MPPED1: variants seen among roughly 807,000 people sequenced by gnomAD.
MPPED1 encodes the protein metallophosphoesterase domain-containing protein 1.
A neutral mutation model predicts 36.2 loss-of-function variants in MPPED1; 16 were observed. The observed-to-expected ratio is 0.44, with a 90% CI of 0.30 to 0.67. The LOEUF is 0.67. Among genes scored for constraint, MPPED1 ranks in the 30% least tolerant of loss-of-function variants. MPPED1 has a pLI of 0.10. For missense variants in MPPED1, 307 were observed against 453.4 expected (o/e 0.68, Z 2.93); for synonymous variants, 199 against 191.3 (o/e 1.04, Z -0.33).
chr22:43,424,796 T>C, intron 1 of MPPED1, 112 bp from the exon 2 acceptor site: 1 of 1,345,294 alleles, frequency 7.4e-7, no homozygotes, highest in Non-Finnish European at 9.8e-7. Flanking sequence ...TACGACTGTG[T>C]TTTTTTTTCC....
intron 3 of MPPED1, among the ~76,000 whole-genome samples, chr22:43,458,767 A>G (rs1930842860): frequency 2.6e-5 from 4 of 152,126 alleles, no homozygotes. Context: ...GGAATGACTT[A>G]ATTTCTCTAT....
chr22:43,423,808 G>C (rs1204029843), intron 1 of MPPED1, among the ~76,000 whole-genome samples: 1 of 152,220 alleles, frequency 6.6e-6, no homozygotes, highest in Non-Finnish European at 1.5e-5. Flanking sequence ...TTTCTCCTTG[G>C]TTAAATACAG....
At chr22:43,494,744 A>T (rs1441463206) in intron 4 of MPPED1, among the ~76,000 whole-genome samples, 1 of 94,770 alleles carries the variant, frequency 1.1e-5, no homozygotes, top group Non-Finnish European at 2.2e-5. Context: ...GTCTTAGACC[A>T]TTCGGGCTGC....
At chr22:43,413,695 G>T (rs1440432953) in intron 1 of MPPED1, among the ~76,000 whole-genome samples, 1 of 152,256 alleles carries the variant, frequency 6.6e-6, no homozygotes, top group Admixed American at 6.5e-5. Context: ...TTGGCTTTCT[G>T]AGTGGCAGCC....
chr22:43,500,070 A>G (rs1379549115), intron 5 of MPPED1, among the ~76,000 whole-genome samples: 2 of 59,230 alleles, frequency 3.4e-5, no homozygotes, highest in Non-Finnish European at 6.6e-5. Context: ...GGTGATGGTG[A>G]TGGAGGTGGT....
chr22:43,500,487 C>A (rs890378847), intron 5 of MPPED1, among the ~76,000 whole-genome samples: 5 of 150,428 alleles, frequency 3.3e-5, no homozygotes, highest in African/African-American at 1.2e-4. Context: ...GGTCTTGCCC[C>A]TTCCAGTCCA....
At chr22:43,442,101 C>A (rs900099633) in intron 3 of MPPED1, among the ~76,000 whole-genome samples, 1 of 151,842 alleles carries the variant, frequency 6.6e-6, no homozygotes, top group African/African-American at 2.4e-5. Flanking sequence ...GGTTGACCCC[C>A]CTCCACGCCC....
chr22:43,462,699 T>C (rs1271036443), intron 3 of MPPED1, among the ~76,000 whole-genome samples: 1 of 152,248 alleles, frequency 6.6e-6, no homozygotes, highest in African/African-American at 2.4e-5. Context: ...TGAGATGTGC[T>C]AGGTCATCTG....
At chr22:43,432,528 G>C (rs952905172) in intron 2 of MPPED1, among the ~76,000 whole-genome samples, 1 of 110,888 alleles carries the variant, frequency 9.0e-6, no homozygotes, top group Non-Finnish European at 1.9e-5. Flanking sequence ...GGAGGAGAGA[G>C]ATAAAGGGAG....
At chr22:43,443,262 G>A (rs1292001127) in intron 3 of MPPED1, among the ~76,000 whole-genome samples, 1 of 152,232 alleles carries the variant, frequency 6.6e-6, no homozygotes, top group Admixed American at 6.5e-5. Context: ...CCGCTGACCA[G>A]CTGGGACGAG....
At chr22:43,491,256 T>C (rs1932073106) in intron 4 of MPPED1, among the ~76,000 whole-genome samples, 1 of 152,132 alleles carries the variant, frequency 6.6e-6, no homozygotes, top group Non-Finnish European at 1.5e-5. Flanking sequence ...ATGATGGTAG[T>C]GGTGATATAG....
chr22:43,499,367 T>C (rs1164618447), intron 5 of MPPED1, among the ~76,000 whole-genome samples: 1 of 110,816 alleles, frequency 9.0e-6, no homozygotes, highest in South Asian at 3.3e-4. Context: ...ATGGAGGTGG[T>C]GGTGATGGTG....
At chr22:43,433,862 C>T (rs561558043) in intron 2 of MPPED1, among the ~76,000 whole-genome samples, 1 of 152,330 alleles carries the variant, frequency 6.6e-6, no homozygotes, top group African/African-American at 2.4e-5. Context: ...AAACACAACT[C>T]CTCGAGCAGC....
At chr22:43,469,180 C>T (rs1414548530) in intron 3 of MPPED1, among the ~76,000 whole-genome samples, 1 of 152,138 alleles carries the variant, frequency 6.6e-6, no homozygotes, top group Non-Finnish European at 1.5e-5. Flanking sequence ...CCCATCAGGG[C>T]AATGGGGAAG....
intron 3 of MPPED1, among the ~76,000 whole-genome samples, chr22:43,465,580 C>T (rs952936098): frequency 2.0e-5 from 3 of 152,158 alleles, no homozygotes; most frequent in Admixed American, 6.5e-5. Flanking sequence ...CAAATCAACC[C>T]GCGGTTGGTT....
At chr22:43,447,547 C>T (rs1211849642) in intron 3 of MPPED1, among the ~76,000 whole-genome samples, 1 of 151,874 alleles carries the variant, frequency 6.6e-6, no homozygotes, top group Non-Finnish European at 1.5e-5. Context: ...GTCAGAAGCC[C>T]GGGGACTAGT....
chr22:43,501,128 G>A (rs1006242771), intron 5 of MPPED1, among the ~76,000 whole-genome samples: 1 of 152,150 alleles, frequency 6.6e-6, no homozygotes, highest in African/African-American at 2.4e-5. Context: ...AGGTGGAAGC[G>A]GAGGCCTGGG....
intron 1 of MPPED1, chr22:43,416,472 T>C (rs1462506034): frequency 6.6e-6 from 1 of 152,258 alleles, no homozygotes; most frequent in East Asian, 1.9e-4. Flanking sequence ...ATTTGAATCC[T>C]GAGCAACCAC....
chr22:43,479,899 G>A (rs1931696036), intron 4 of MPPED1, among the ~76,000 whole-genome samples: 1 of 152,198 alleles, frequency 6.6e-6, no homozygotes, highest in South Asian at 2.1e-4. Context: ...GTCTTGCTCT[G>A]TCACCCTAGC....
Sources: allele counts gnomAD v4.1 joint callset (sites outside exome capture counted in the v4.1 genomes callset), GRCh38; gene constraint gnomAD v4.1.1; transcripts MANE v1.5; gene names NCBI Gene and HGNC (gene_info 2026-07-23, HGNC 2026-07-21).